Variants in PLCB1 observed in about 807,000 individuals in gnomAD.
PLCB1 encodes phospholipase C beta 1.
A neutral mutation model predicts 161.8 loss-of-function variants in PLCB1; 46 were observed. That is an observed-to-expected ratio of 0.28 (90% CI 0.22 to 0.36). The LOEUF (loss-of-function observed/expected upper bound fraction) is 0.36, where lower values mean the gene tolerates loss of function less well. PLCB1 is among the 10% of genes least tolerant of loss of function. The pLI is 1.00. For missense variants in PLCB1, 1,016 were observed against 1,472.5 expected (o/e 0.69, Z 5.07); for synonymous variants, 517 against 503.7 (o/e 1.03, Z -0.35).
At chr20:8,460,600 T>C (rs1307746152) in intron 3 of PLCB1, among the ~76,000 whole-genome samples, 1 of 152,254 alleles carries the variant, frequency 6.6e-6, no homozygotes, top group Non-Finnish European at 1.5e-5. Flanking sequence ...AGGATGGCCA[T>C]GATCTTTATT....
At chr20:8,306,771 C>CTTT (rs999112275) in intron 2 of PLCB1, among the ~76,000 whole-genome samples, 2 of 152,144 alleles carry the variant, frequency 1.3e-5, no homozygotes, top group African/African-American at 4.8e-5. Flanking sequence ...TTTAAGGAAT[C>CTTT]TTTTAACGGA....
intron 3 of PLCB1, among the ~76,000 whole-genome samples, chr20:8,512,523 C>T (rs6086479): frequency 0.18 from 26,845 of 151,928 alleles, 2,469 homozygotes; most frequent in East Asian, 0.37. Flanking sequence ...ATGTCAAAAT[C>T]TCTTTCCTTT....
rs114283329 is a variant in PLCB1 at position 8,211,986 on chromosome 20, A to T, written c.177+61615A>T. 9.5e-3 allele frequency among the ~76,000 whole-genome samples: 1,443 copies of T among 152,198 alleles called. 23 individuals carry two copies. Among genetic ancestry groups the T allele is most frequent in the African/African-American group, 0.03 (1,227 of 41,550 alleles). On this transcript the variant is annotated intron_variant, in intron 2 of 31. Transcript: ENST00000338037. ...CTGAAATATGAATGTCATTGTTTTG[A>T]ATATTAATTGATGTTTGAATTATTT...
rs767161782 is a variant in PLCB1, at chr20:8,757,080, G to A, written c.2558G>A (p.Ser853Asn). 1 of 1,613,032 alleles carries A rather than the reference G, an allele frequency of 6.2e-7. No individual in the cohort carries two copies. Among genetic ancestry groups the A allele is most frequent in the Non-Finnish European group, 8.5e-7 (1 of 1,179,236 alleles). Residue 853 changes from serine to asparagine, a missense_variant, in exon 24 of 32, where the codon AGT becomes AAT. Transcript: ENST00000338037. ...GGAGAAACACCATCAGAGGCTCCAA[G>A]TGAAGCGAGAACGACTCCAGCAGAA... ...DPGETPSEAP[S>N]EARTTPAENG...
At chr20:8,371,479 A>G (rs1444835492) in intron 3 of PLCB1, 29 bp downstream of exon 3, 3 of 1,486,370 alleles carry the variant, frequency 2.0e-6, no homozygotes, top group Non-Finnish European at 2.8e-6. Flanking sequence ...TGCATGCACC[A>G]GATGCTGCCT....
intron 2 of PLCB1, among the ~76,000 whole-genome samples, chr20:8,260,028 G>T (rs1339191760): frequency 6.6e-6 from 1 of 151,950 alleles, no homozygotes; most frequent in South Asian, 2.1e-4. Context: ...GACTCTTCTT[G>T]TGTTCACAGT....
At chr20:8,209,166 T>A (rs1304067095) in intron 2 of PLCB1, among the ~76,000 whole-genome samples, 2 of 152,022 alleles carry the variant, frequency 1.3e-5, no homozygotes, top group African/African-American at 4.8e-5. Flanking sequence ...CTATTTTAAT[T>A]AAACTTGAGG....
chr20:8,397,105 T>A (rs1600372873), intron 3 of PLCB1, among the ~76,000 whole-genome samples: 2 of 152,200 alleles, frequency 1.3e-5, no homozygotes, highest in East Asian at 3.9e-4. Context: ...CTTTCATGTA[T>A]ATCTGTTTTT....
chr20:8,554,745 A>C (rs1361835152), intron 3 of PLCB1, among the ~76,000 whole-genome samples: 1 of 152,102 alleles, frequency 6.6e-6, no homozygotes. Context: ...TTGTATATAA[A>C]TTATACCTCA....
intron 2 of PLCB1, among the ~76,000 whole-genome samples, chr20:8,323,416 A>T (rs117281631): frequency 0.024 from 3,712 of 152,242 alleles, 67 homozygotes; most frequent in Non-Finnish European, 0.037. Flanking sequence ...CTGCATTCAG[A>T]GGATGCCTGG....
chr20:8,376,392 A>G lies in PLCB1; in HGVS notation c.246+4942A>G, dbSNP rs528734767. Among the ~76,000 whole-genome samples, 448 of 152,352 alleles carry G rather than the reference A, an allele frequency of 2.9e-3. 2 individuals are homozygous for G. The highest frequency in any genetic ancestry group is 0.01 in the African/African-American group (432 of 41,576). ...AGATTAGAGTAAAATCAAATTTTAA[A>G]AATTGATTAGGCTTTTCTTTCCTAA... On this transcript the variant is annotated intron_variant, in intron 3 of 31. Transcript: ENST00000338037.
At chr20:8,307,609 CATTA>C (rs1358173880) in intron 2 of PLCB1, among the ~76,000 whole-genome samples, 2 of 151,970 alleles carry the variant, frequency 1.3e-5, no homozygotes, top group Non-Finnish European at 2.9e-5. Flanking sequence ...CCCAATTAAT[CATTA>C]ATTATGTTGT....
chr20:8,473,610 A>C, intron 3 of PLCB1, among the ~76,000 whole-genome samples: 1 of 152,204 alleles, frequency 6.6e-6, no homozygotes, highest in Non-Finnish European at 1.5e-5. Context: ...ATCAAGACCG[A>C]GGTGCCTGCC....
At chr20:8,698,163 C>T (rs576667493) in intron 11 of PLCB1, among the ~76,000 whole-genome samples, 10 of 152,228 alleles carry the variant, frequency 6.6e-5, no homozygotes, top group East Asian at 3.9e-4. Flanking sequence ...CCATCTAAAT[C>T]GAGAAATAGA....
At chr20:8,639,893 GAA>G (rs11320743) in intron 4 of PLCB1, among the ~76,000 whole-genome samples, 279 of 138,592 alleles carry the variant, frequency 2.0e-3, no homozygotes, top group South Asian at 0.011. Context: ...TAGAAGACAA[GAA>G]AAAAAAAAAA....
chr20:8,487,793 G>T (rs1472639956), intron 3 of PLCB1, among the ~76,000 whole-genome samples: 2 of 152,152 alleles, frequency 1.3e-5, no homozygotes, highest in African/African-American at 4.8e-5. Context: ...TGAAAAAGGT[G>T]GAGTATTTTT....
At chr20:8,724,812 G>A (rs1368954473) in intron 16 of PLCB1, 60 bp downstream of exon 16, 31 of 886,382 alleles carry the variant, frequency 3.5e-5, no homozygotes, top group Admixed American at 1.0e-4. Context: ...TTTTAAATAC[G>A]GAGTAATGGG....
chr20:8,320,068 T>C (rs1038920395), intron 2 of PLCB1, among the ~76,000 whole-genome samples: 1 of 152,066 alleles, frequency 6.6e-6, no homozygotes, highest in African/African-American at 2.4e-5. Context: ...ATGAGACATG[T>C]GAGGTCCGGG....
chr20:8,791,868 A>G (rs1450052469), intron 31 of PLCB1, among the ~76,000 whole-genome samples: 2 of 152,214 alleles, frequency 1.3e-5, no homozygotes. Context: ...GGACATGAAA[A>G]GAACTAATAA....
Sources: allele counts gnomAD v4.1 joint callset (sites outside exome capture counted in the v4.1 genomes callset), GRCh38; gene constraint gnomAD v4.1.1; transcripts MANE v1.5; gene names NCBI Gene and HGNC (gene_info 2026-07-23, HGNC 2026-07-21).